FARS2: variants seen among roughly 807,000 people sequenced by gnomAD.
The protein encoded by FARS2 is phenylalanyl-tRNA synthetase 2, mitochondrial.
In FARS2, 40 loss-of-function variants were observed where a neutral mutation model predicts 46.4. The observed-to-expected ratio is 0.86, with a 90% CI of 0.67 to 1.12. The LOEUF (loss-of-function observed/expected upper bound fraction) is 1.12, where lower values mean the gene tolerates loss of function less well. Among genes scored for constraint, FARS2 ranks in the 50% most tolerant of loss-of-function variants. FARS2 has a pLI of 0.00. For synonymous variants in FARS2, 234 were observed against 214.9 expected (o/e 1.09, Z -0.78); for missense variants, 513 against 567.9 (o/e 0.90, Z 0.98).
chr6:5,480,221 C>T (rs1766372607), intron 4 of FARS2, among the ~76,000 whole-genome samples: 1 of 152,170 alleles, frequency 6.6e-6, no homozygotes, highest in Non-Finnish European at 1.5e-5. Flanking sequence ...ACGGATGCGC[C>T]AGAAATAACA....
intron 6 of FARS2, among the ~76,000 whole-genome samples, chr6:5,631,508 G>C (rs567021739): frequency 3.3e-5 from 5 of 152,282 alleles, no homozygotes; most frequent in Admixed American, 3.3e-4. Context: ...GCTGTTTCAA[G>C]TGCTTCTCAA....
intron 1 of FARS2, among the ~76,000 whole-genome samples, chr6:5,362,742 T>TA (rs1758385404): frequency 6.6e-6 from 1 of 152,184 alleles, no homozygotes; most frequent in Admixed American, 6.5e-5. Flanking sequence ...CACCAACACT[T>TA]ACCTTTTCTT....
chr6:5,285,887 T>G (rs1767075664), intron 1 of FARS2, among the ~76,000 whole-genome samples: 2 of 152,216 alleles, frequency 1.3e-5, no homozygotes, highest in Non-Finnish European at 2.9e-5. Flanking sequence ...TCTCTCCAGT[T>G]GTTTGTCCCA....
intron 3 of FARS2, among the ~76,000 whole-genome samples, chr6:5,405,516 C>CTCG (rs1353776645): frequency 3.1e-5 from 2 of 65,398 alleles, no homozygotes; most frequent in African/African-American, 1.1e-4. Flanking sequence ...GAGACGGAGT[C>CTCG]TCGCTCTGTC....
chr6:5,737,781 CTG>C (rs1761044305), intron 6 of FARS2, among the ~76,000 whole-genome samples: 1 of 152,166 alleles, frequency 6.6e-6, no homozygotes, highest in South Asian at 2.1e-4. Flanking sequence ...TTCCGTCTAT[CTG>C]TGCATTGCTG....
chr6:5,279,276 C>G (rs1766551558), intron 1 of FARS2, among the ~76,000 whole-genome samples: 2 of 149,972 alleles, frequency 1.3e-5, no homozygotes, highest in African/African-American at 2.5e-5. Flanking sequence ...ACTCGGGAGG[C>G]TGAGGCAGGA....
At chr6:5,725,000 T>G (rs142291702) in intron 6 of FARS2, among the ~76,000 whole-genome samples, 1 of 152,334 alleles carries the variant, frequency 6.6e-6, no homozygotes, top group East Asian at 1.9e-4. Flanking sequence ...CACAAAATTC[T>G]AAAGATGAAA....
intron 6 of FARS2, among the ~76,000 whole-genome samples, chr6:5,703,736 G>A (rs1179234077): frequency 1.3e-5 from 2 of 152,152 alleles, no homozygotes; most frequent in Non-Finnish European, 2.9e-5. Context: ...GTGCAAAGGT[G>A]GACACAGGGG....
At chr6:5,286,811 G>A (rs1488557283) in intron 1 of FARS2, among the ~76,000 whole-genome samples, 4 of 152,210 alleles carry the variant, frequency 2.6e-5, no homozygotes, top group African/African-American at 9.6e-5. Context: ...ATGTGTGTAT[G>A]TGTGTGAGAG....
intron 1 of FARS2, among the ~76,000 whole-genome samples, chr6:5,310,082 A>G (rs1768983065): frequency 6.6e-6 from 1 of 152,226 alleles, no homozygotes; most frequent in Non-Finnish European, 1.5e-5. Flanking sequence ...ACCTGAAATT[A>G]GATTATGATA....
Position 5,666,313 on chromosome 6 carries a change from T to C in FARS2, c.1217+52993T>C, listed in dbSNP as rs188725671. On this transcript the variant is annotated intron_variant, in intron 6 of 6. Transcript: ENST00000274680. ...TTTTATGTAGTGTCAGGCACAGAAA[T>C]ATGCTCAGTAAACACTTGCTGGTTA... 3.0e-4 allele frequency among the ~76,000 whole-genome samples: 45 copies of C among 152,288 alleles called. 1 individual carries two copies. Among genetic ancestry groups the C allele is most frequent in the Admixed American group, 2.7e-3 (41 of 15,300 alleles).
In FARS2 at chr6:5,343,604, A is replaced by G. The variant is rs904662291; in HGVS notation, c.-21-24946A>G. On this transcript the variant is annotated intron_variant, in intron 1 of 6. Coordinates refer to ENST00000274680, the MANE Select transcript of FARS2 (RefSeq NM_006567.5). This position sits in a 1 kb window ranked among gnomAD's most constrained non-coding sequence, Gnocchi z 4.5. ...CATTTTATAACTAGAAATTGTACAC[A>G]TTTTTAGTTCTTTGGAACATGTAAA... 1.3e-5 allele frequency among the ~76,000 whole-genome samples: 2 copies of G among 152,164 alleles called. No individual in the cohort carries two copies. Among genetic ancestry groups the G allele is most frequent in the Non-Finnish European group, 2.9e-5 (2 of 68,032 alleles).
At position 5,264,060 on chromosome 6, in the gene FARS2, C is replaced by G. The variant is rs376650429; in HGVS notation, c.-22+2400C>G. ...AACCCCATCTATACAAAAAATACATCATAGCGAAACCTCACCTCTACACAA... is the reference window on the plus strand; with the variant it reads ...AACCCCATCTATACAAAAAATACATGATAGCGAAACCTCACCTCTACACAA... On this transcript the variant is annotated intron_variant, in intron 1 of 6. Coordinates refer to ENST00000274680, the MANE Select transcript of FARS2 (RefSeq NM_006567.5). 2.8e-4 allele frequency among the ~76,000 whole-genome samples: 42 copies of G among 152,072 alleles called. No individual in the cohort carries two copies. In the South Asian group the frequency reaches 7.9e-3, roughly 29 times the overall value.
intron 5 of FARS2, among the ~76,000 whole-genome samples, chr6:5,553,182 C>T (rs1210870431): frequency 6.6e-6 from 1 of 152,132 alleles, no homozygotes; most frequent in African/African-American, 2.4e-5. Context: ...TACTGGCTCT[C>T]TTCTGAGGCC....
intron 6 of FARS2, among the ~76,000 whole-genome samples, chr6:5,627,229 G>A (rs1391522850): frequency 6.6e-6 from 1 of 152,206 alleles, no homozygotes; most frequent in Non-Finnish European, 1.5e-5. Flanking sequence ...TTTATAAGAT[G>A]AGCCTAATTT....
intron 6 of FARS2, among the ~76,000 whole-genome samples, chr6:5,755,174 T>C (rs1459964730): frequency 2.0e-5 from 3 of 152,242 alleles, no homozygotes; most frequent in East Asian, 3.8e-4. Flanking sequence ...TTTTAAATTA[T>C]ATTTTTATTT....
chr6:5,542,695 C>T (rs772500788), intron 4 of FARS2, among the ~76,000 whole-genome samples: 5 of 152,206 alleles, frequency 3.3e-5, no homozygotes, highest in Admixed American at 3.3e-4. Flanking sequence ...TTGTAAAAAA[C>T]TACCAAACTG....
At chr6:5,349,027 A>G (rs1304139262) in intron 1 of FARS2, among the ~76,000 whole-genome samples, 3 of 152,206 alleles carry the variant, frequency 2.0e-5, no homozygotes, top group Non-Finnish European at 4.4e-5. Context: ...AAGAAAGAAA[A>G]CTATGTCTAT....
intron 6 of FARS2, among the ~76,000 whole-genome samples, chr6:5,650,121 C>T (rs1380024746): frequency 2.0e-5 from 3 of 151,976 alleles, no homozygotes; most frequent in African/African-American, 2.4e-5. Context: ...AAAGAATTCA[C>T]GGAGCAAAAG....
Sources: gnomAD v4.1 joint callset for allele counts (sites outside exome capture counted in the v4.1 genomes callset) on GRCh38, gnomAD v4.1.1 for gene constraint, Gnocchi (gnomAD v3.1) non-coding constraint, MANE v1.5 for transcripts, NCBI Gene and HGNC (gene_info 2026-07-23, HGNC 2026-07-21) for gene names.